Variants in EPB41L1 observed in about 807,000 individuals in gnomAD.
The protein encoded by EPB41L1 is erythrocyte membrane protein band 4.1 like 1.
In EPB41L1, 29 loss-of-function variants were observed where a neutral mutation model predicts 97.8. The ratio of observed to expected loss-of-function variants is 0.30; its 90% confidence interval spans 0.22 to 0.40. The LOEUF is 0.40. Ranked by LOEUF, EPB41L1 falls within the 10% of genes least tolerant of loss-of-function variation. The pLI, the probability that EPB41L1 is intolerant of heterozygous loss-of-function variation, is 1.00. For missense variants in EPB41L1, 812 were observed against 1,162.3 expected (o/e 0.70, Z 4.38); for synonymous variants, 383 against 459.2 (o/e 0.83, Z 2.12).
rs1222334796 is a variant in EPB41L1, at chr20:36,194,255, A to G, written c.1344A>G (p.Ala448=). The change falls in exon 12 of 22, where the codon GCA becomes GCG. Residue 448 remains alanine (A), a synonymous_variant. Transcript: ENST00000338074. ...CCTCGGTCAGCGAGAACCATGATGC[A>G]GGGCCTGACGGTGACAAGCGGGATG... ...RPASVSENHD[A]GPDGDKRDED... 10 of 1,614,150 alleles carry G rather than the reference A, an allele frequency of 6.2e-6. No individual in the cohort carries two copies. Among genetic ancestry groups the G allele is most frequent in the Non-Finnish European group, 8.5e-6 (10 of 1,180,010 alleles).
In EPB41L1 at chr20:36,229,503, T is replaced by C. The variant is rs1274376283; in HGVS notation, c.*163T>C. On this transcript the variant is annotated 3_prime_UTR_variant, in exon 22 of 22. Coordinates refer to ENST00000338074, the MANE Select transcript of EPB41L1 (RefSeq NM_012156.2). ...GGAAAAGCATATATATATAGATATA[T>C]AGAGATATAGATATATATACAGGAA... 2.9e-6 allele frequency: 2 copies of C among 685,030 alleles called. No individual in the cohort carries two copies. The highest frequency in any genetic ancestry group is 3.6e-5 in the African/African-American group (2 of 55,802). 42.4% of individuals were successfully genotyped at this position (685,030 alleles called of 1,614,324 possible).
chr20:36,125,519 T>C, intron 2 of EPB41L1: 1 of 1,527,784 alleles, frequency 6.5e-7, no homozygotes, highest in Admixed American at 2.0e-5. Context: ...TACTGAGCGC[T>C]CAGTAAAGGT....
At chr20:36,181,274 G>C (rs1282278022) in intron 5 of EPB41L1, among the ~76,000 whole-genome samples, 1 of 152,146 alleles carries the variant, frequency 6.6e-6, no homozygotes, top group African/African-American at 2.4e-5. Context: ...CATTGTTGTG[G>C]ATATGTAGAC....
At chr20:36,227,232 G>A (rs1004809697) in intron 21 of EPB41L1, among the ~76,000 whole-genome samples, 2 of 152,114 alleles carry the variant, frequency 1.3e-5, no homozygotes, top group African/African-American at 2.4e-5. Flanking sequence ...CGGGAGGATT[G>A]CTTGAGTCCA....
At chr20:36,161,778 A>T (rs1456100628) in intron 1 of EPB41L1, among the ~76,000 whole-genome samples, 2 of 141,964 alleles carry the variant, frequency 1.4e-5, no homozygotes, top group Non-Finnish European at 3.1e-5. Context: ...TTGTTTTTTT[A>T]AAGACAGCCT....
chr20:36,144,104 C>T (rs888363059), intron 2 of EPB41L1, among the ~76,000 whole-genome samples: 7 of 152,120 alleles, frequency 4.6e-5, no homozygotes, highest in Non-Finnish European at 8.8e-5. Flanking sequence ...CTGCCCGCCT[C>T]GGCCTCCCAG....
intron 2 of EPB41L1, among the ~76,000 whole-genome samples, chr20:36,174,305 C>T (rs1237713041): frequency 1.3e-5 from 2 of 151,354 alleles, no homozygotes; most frequent in Admixed American, 1.3e-4. Context: ...CTCGCCCTGT[C>T]ACCCAGGCTG....
chr20:36,157,052 C>T (rs1306185548), intron 1 of EPB41L1, among the ~76,000 whole-genome samples: 4 of 152,186 alleles, frequency 2.6e-5, no homozygotes, highest in South Asian at 2.1e-4. Flanking sequence ...GGTGAAACCC[C>T]GTCTCTACTA....
chr20:36,222,806 G>T (rs1400926876), intron 21 of EPB41L1, among the ~76,000 whole-genome samples: 1 of 152,146 alleles, frequency 6.6e-6, no homozygotes, highest in African/African-American at 2.4e-5. Flanking sequence ...CACGTTCCTG[G>T]CCCTGAGTCT....
At chr20:36,113,819 G>A (rs1214329365) in intron 2 of EPB41L1, 1 of 152,618 alleles carries the variant, frequency 6.6e-6, no homozygotes, top group Non-Finnish European at 1.5e-5. Flanking sequence ...CATAGGGAAG[G>A]TGGGGCTCCG....
Position 36,207,350 on chromosome 20 carries a change from G to A in EPB41L1, c.1669-2138G>A. On this transcript the variant is annotated intron_variant, in intron 14 of 21. Coordinates refer to ENST00000338074, the MANE Select transcript of EPB41L1 (RefSeq NM_012156.2). This position sits in a 1 kb window ranked among gnomAD's most constrained non-coding sequence, Gnocchi z 4.9. ...GAAGCTGAGGGGCGCATACCTCTGG[G>A]GTTTGGGTTCCCTTCAGGGAAGCGA... 7.8e-7 allele frequency: 1 copy of A among 1,288,628 alleles called. No homozygotes were observed. Among genetic ancestry groups the A allele is most frequent in the Non-Finnish European group, 1.0e-6 (1 of 988,052 alleles). 79.8% of individuals were successfully genotyped at this position (1,288,628 alleles called of 1,614,324 possible).
rs543346987 is a variant in EPB41L1, at chr20:36,219,925, C to G, written c.2439+81C>G. 37 of 1,263,252 alleles carry G rather than the reference C, an allele frequency of 2.9e-5. 2 individuals are homozygous for G. The South Asian group carries it at 4.2e-4, about 14-fold the overall frequency. The allele number at this position is 1,263,252 out of a possible 1,614,324, so 78.3% of individuals were successfully genotyped here. On this transcript the variant is annotated intron_variant, in intron 19 of 21. Coordinates refer to ENST00000338074, the MANE Select transcript of EPB41L1 (RefSeq NM_012156.2). The stretch of plus-strand genomic sequence containing the variant: ...TGACTGTTGTTCTGCTTCGGCTTCG[C>G]CATCTGTAAAGTGGACAGAGAAAAC...
At chr20:36,223,336 A>AT (rs1293384920) in intron 21 of EPB41L1, among the ~76,000 whole-genome samples, 1 of 152,202 alleles carries the variant, frequency 6.6e-6, no homozygotes, top group Non-Finnish European at 1.5e-5. Context: ...GCCTGGCATG[A>AT]TTGCATTTTG....
upstream of EPB41L1, chr20:36,150,848 C>T (rs2145427573): frequency 6.6e-6 from 1 of 152,350 alleles, no homozygotes; most frequent in East Asian, 1.9e-4. Flanking sequence ...TTCCTCCAGC[C>T]TTCCCCAGTG....
chr20:36,218,882 A>G lies in EPB41L1; in HGVS notation c.2275A>G (p.Ser759Gly). ...TETISTTMENSLKSGKGAAAM... is the reference protein window; with the variant it reads ...TETISTTMENGLKSGKGAAAM... ...AGCACTATTGTTTCCCCAGGAGAAC[A>G]GTCTCAAGTCCGGGAAGGGGGCAGC... The change falls in exon 18 of 22, where the codon AGT becomes GGT. Residue 759 changes from serine to glycine, a missense_variant. Ser to Gly is a moderately conservative substitution (Grantham distance 56). Coordinates refer to ENST00000338074, the MANE Select transcript of EPB41L1 (RefSeq NM_012156.2). 5.0e-6 allele frequency: 8 copies of G among 1,614,146 alleles called. No individual in the cohort carries two copies. Among genetic ancestry groups the G allele is most frequent in the Non-Finnish European group, 6.8e-6 (8 of 1,180,020 alleles).
intron 2 of EPB41L1, among the ~76,000 whole-genome samples, chr20:36,148,913 GAGA>G (rs1205659268): frequency 6.6e-6 from 1 of 152,208 alleles, no homozygotes; most frequent in East Asian, 1.9e-4. Flanking sequence ...CCAGTAGGCA[GAGA>G]AGAAGAAACT....
At chr20:36,180,205 T>C (rs1030638873) in intron 5 of EPB41L1, among the ~76,000 whole-genome samples, 3 of 152,326 alleles carry the variant, frequency 2.0e-5, no homozygotes, top group Admixed American at 2.0e-4. Context: ...CCCTGTAACT[T>C]CCAGCCATTT....
chr20:36,130,700 A>G (rs1200454847), intron 2 of EPB41L1, among the ~76,000 whole-genome samples: 1 of 152,124 alleles, frequency 6.6e-6, no homozygotes, highest in Non-Finnish European at 1.5e-5. Context: ...CCAAACTGCT[A>G]TGCCAACCTT....
At chr20:36,101,490 G>A (rs963124984) in intron 1 of EPB41L1, among the ~76,000 whole-genome samples, 4 of 152,100 alleles carry the variant, frequency 2.6e-5, no homozygotes, top group East Asian at 1.9e-4. Flanking sequence ...AGGTGGCTCA[G>A]TCAGAAGGGA....
Sources: gnomAD v4.1 joint callset for allele counts (sites outside exome capture counted in the v4.1 genomes callset) on GRCh38, gnomAD v4.1.1 for gene constraint, Gnocchi (gnomAD v3.1) non-coding constraint, MANE v1.5 for transcripts, NCBI Gene and HGNC (gene_info 2026-07-23, HGNC 2026-07-21) for gene names.